Variants in LRRC8C observed in about 807,000 individuals in gnomAD.
The protein encoded by LRRC8C is volume-regulated anion channel subunit LRRC8C.
In LRRC8C, 20 loss-of-function variants were observed where a neutral mutation model predicts 55.3. That is an observed-to-expected ratio of 0.36 (90% CI 0.25 to 0.53). The LOEUF is 0.53. Ranked by LOEUF, LRRC8C falls within the 20% of genes least tolerant of loss-of-function variation. LRRC8C has a pLI of 0.92. For synonymous variants in LRRC8C, 376 were observed against 360.7 expected (o/e 1.04, Z -0.48); for missense variants, 659 against 951.4 (o/e 0.69, Z 4.04).
chr1:89,711,160 GGACTATT>G (rs1658637842), intron 2 of LRRC8C, among the ~76,000 whole-genome samples: 5 of 152,118 alleles, frequency 3.3e-5, no homozygotes. Context: ...TGAACTAGAA[GGACTATT>G]GGCAATTTTG....
the LRRC8C span, among the ~76,000 whole-genome samples, chr1:89,615,873 A>G: frequency 6.6e-6 from 1 of 152,208 alleles, no homozygotes; most frequent in African/African-American, 2.4e-5. Context: ...ATGCCAGATG[A>G]TTAAAACAGT....
chr1:89,626,824 T>TA, the LRRC8C span: 3 of 151,982 alleles, frequency 2.0e-5, no homozygotes, highest in Non-Finnish European at 4.4e-5. Context: ...TCCTTTTTGG[T>TA]TTCTATAAAG....
chr1:89,634,915 T>C (rs1468568423), intron 1 of LRRC8C, among the ~76,000 whole-genome samples: 1 of 152,196 alleles, frequency 6.6e-6, no homozygotes, highest in Non-Finnish European at 1.5e-5. Context: ...GATGGATATT[T>C]GCCATGGTTC....
intron 2 of LRRC8C, among the ~76,000 whole-genome samples, chr1:89,693,587 T>C (rs1272574297): frequency 6.6e-6 from 1 of 151,520 alleles, no homozygotes; most frequent in Non-Finnish European, 1.5e-5. Flanking sequence ...CAGATAGAAG[T>C]GAAGGCTTAA....
chr1:89,684,063 G>A (rs1366898839), intron 1 of LRRC8C, among the ~76,000 whole-genome samples: 3 of 151,946 alleles, frequency 2.0e-5, no homozygotes, highest in African/African-American at 7.2e-5. Context: ...TGATGGATGA[G>A]TTTACTTTTT....
At chr1:89,701,801 A>T (rs1658334259) in intron 2 of LRRC8C, among the ~76,000 whole-genome samples, 2 of 152,220 alleles carry the variant, frequency 1.3e-5, no homozygotes, top group African/African-American at 4.8e-5. Context: ...AAAAATGCAT[A>T]CACAGACCCC....
At position 89,703,547 on chromosome 1, in the gene LRRC8C, TAA is replaced by T. The variant is rs75382206; in HGVS notation, c.139-9147_139-9146del. On this transcript the variant is annotated intron_variant, in intron 2 of 2. Coordinates refer to ENST00000370454, the MANE Select transcript of LRRC8C (RefSeq NM_032270.5). ...AACAAACACAATCAAGTACAGATTG[TAA>T]AAAAAAAAAAAAAAGTTTCAAAAGA... Among the ~76,000 whole-genome samples the T allele has an allele frequency of 4.4e-3, 556 of 126,636 alleles. 5 individuals carry two copies. The highest frequency in any genetic ancestry group is 0.013 in the African/African-American group (468 of 34,748). The allele number at this position is 126,636 out of a possible 152,430, so 83.1% of individuals were successfully genotyped here.
intron 1 of LRRC8C, among the ~76,000 whole-genome samples, chr1:89,659,074 T>C (rs1657042073): frequency 7.5e-6 from 1 of 132,572 alleles, no homozygotes; most frequent in Non-Finnish European, 1.6e-5. Flanking sequence ...TGTGTGTGTG[T>C]GTGTGTGTGT....
chr1:89,628,570 G>A (rs948924840), upstream of LRRC8C, among the ~76,000 whole-genome samples: 1 of 152,110 alleles, frequency 6.6e-6, no homozygotes, highest in Non-Finnish European at 1.5e-5. Context: ...TTATGCTTGG[G>A]TTCAATGAAG....
chr1:89,681,532 T>A (rs1657709214), intron 1 of LRRC8C, among the ~76,000 whole-genome samples: 1 of 152,172 alleles, frequency 6.6e-6, no homozygotes, highest in South Asian at 2.1e-4. Context: ...GAAAAAGGTT[T>A]AATGGACTCA....
chr1:89,692,353 T>C (rs920535058), intron 2 of LRRC8C, among the ~76,000 whole-genome samples: 1 of 152,204 alleles, frequency 6.6e-6, no homozygotes, highest in Non-Finnish European at 1.5e-5. Flanking sequence ...AAAATAGTAA[T>C]CCAACAGCTT....
At chr1:89,659,142 G>T (rs1657045534) in intron 1 of LRRC8C, among the ~76,000 whole-genome samples, 1 of 144,404 alleles carries the variant, frequency 6.9e-6, no homozygotes, top group African/African-American at 2.6e-5. Flanking sequence ...ACCCAGTCTG[G>T]TCTCAAACTC....
chr1:89,625,265 A>T, the LRRC8C span: 2 of 152,212 alleles, frequency 1.3e-5, no homozygotes, highest in Non-Finnish European at 1.5e-5. Context: ...ACACCAAACA[A>T]GCCCTAAGAA....
At chr1:89,657,812 G>T (rs1245104978) in intron 1 of LRRC8C, among the ~76,000 whole-genome samples, 2 of 151,282 alleles carry the variant, frequency 1.3e-5, no homozygotes, top group Admixed American at 6.6e-5. Context: ...ATTTTCAGGG[G>T]ACCTATTCTT....
chr1:89,700,151 A>T (rs1658278926), intron 2 of LRRC8C, among the ~76,000 whole-genome samples: 1 of 152,126 alleles, frequency 6.6e-6, no homozygotes, highest in Non-Finnish European at 1.5e-5. Flanking sequence ...AAGAAGAGTG[A>T]CACTCCATCT....
chr1:89,662,244 G>A (rs969181710), intron 1 of LRRC8C, among the ~76,000 whole-genome samples: 38 of 152,226 alleles, frequency 2.5e-4, no homozygotes, highest in African/African-American at 9.2e-4. Context: ...TGGGCCACAA[G>A]TGGTCTGCAG....
At chr1:89,653,851 G>T (rs544363799) in intron 1 of LRRC8C, among the ~76,000 whole-genome samples, 1 of 152,156 alleles carries the variant, frequency 6.6e-6, no homozygotes, top group African/African-American at 2.4e-5. Flanking sequence ...TTTTGGACTC[G>T]TTAATTTCAA....
At chr1:89,706,504 C>T in intron 2 of LRRC8C, 2 of 335,704 alleles carry the variant, frequency 6.0e-6, no homozygotes, top group Non-Finnish European at 5.9e-6. Context: ...ACTTAAATAA[C>T]ATACATCATA....
intron 1 of LRRC8C, among the ~76,000 whole-genome samples, chr1:89,643,473 G>T (rs1157654417): frequency 1.3e-5 from 2 of 152,210 alleles, no homozygotes; most frequent in African/African-American, 4.8e-5. Context: ...CTACCATTCT[G>T]CATGGTTTTG....
Sources: allele counts gnomAD v4.1 joint callset (sites outside exome capture counted in the v4.1 genomes callset), GRCh38; gene constraint gnomAD v4.1.1; transcripts MANE v1.5; gene names NCBI Gene and HGNC (gene_info 2026-07-23, HGNC 2026-07-21).